Variants in ESR1 observed in about 807,000 individuals in gnomAD.
ESR1 encodes the protein estrogen receptor 1, also known as estrogen receptor.
ESR1 carries 12 observed loss-of-function variants against 52.7 expected under a neutral mutation model. That is an observed-to-expected ratio of 0.23 (90% CI 0.15 to 0.37). The LOEUF is 0.37. Ranked by LOEUF, ESR1 falls within the 10% of genes least tolerant of loss-of-function variation. The pLI, the probability that ESR1 is intolerant of heterozygous loss-of-function variation, is 1.00. For synonymous variants in ESR1, 305 were observed against 316.8 expected (o/e 0.96, Z 0.39); for missense variants, 584 against 779.7 (o/e 0.75, Z 2.99).
intron 3 of ESR1, among the ~76,000 whole-genome samples, chr6:151,901,752 C>T (rs1024491162): frequency 6.6e-6 from 1 of 152,226 alleles, no homozygotes. Flanking sequence ...ATCCCCCTTT[C>T]CTACTTTCAC....
rs35600661 is a variant in ESR1, at chr6:151,680,204, CTT to C, written n.74-21655_74-21654del. On this transcript the variant is annotated intron_variant and non_coding_transcript_variant, in intron 1 of 2. Coordinates refer to the ESR1 transcript ENST00000473497. ...AGCCACCTTGCTTTTTTTCTTTTCT[CTT>C]TTTTTTTTTTTTTTTGAGTTGGAGT... Among the ~76,000 whole-genome samples the C allele has an allele frequency of 6.1e-3, 773 of 126,772 alleles. 4 individuals are homozygous for C. Among genetic ancestry groups the C allele is most frequent in the African/African-American group, 0.022 (711 of 32,604 alleles). The allele number at this position is 126,772 out of a possible 152,430, so 83.2% of individuals were successfully genotyped here.
chr6:151,904,161 C>T (rs1457224595), intron 3 of ESR1, among the ~76,000 whole-genome samples: 4 of 152,162 alleles, frequency 2.6e-5, no homozygotes, highest in Non-Finnish European at 5.9e-5. Flanking sequence ...TTTGTTTGTG[C>T]ATAGTGCATA....
intron 5 of ESR1, among the ~76,000 whole-genome samples, chr6:152,046,588 C>G (rs974364124): frequency 6.6e-6 from 1 of 152,014 alleles, no homozygotes; most frequent in African/African-American, 2.4e-5. Flanking sequence ...ATATGGTGAA[C>G]TCAAGGCAAA....
Position 151,824,214 on chromosome 6 carries a change from G to A in ESR1, c.452+15850G>A, listed in dbSNP as rs1278953223. Among the ~76,000 whole-genome samples the A allele has an allele frequency of 2.6e-5, 4 of 152,024 alleles. No individual in the cohort carries two copies. The South Asian group carries it at 8.3e-4, about 32-fold the overall frequency. On this transcript the variant is annotated intron_variant, in intron 1 of 7. Coordinates refer to ENST00000206249, the MANE Select transcript of ESR1 (RefSeq NM_000125.4). ...TTGTGGTTTTGATTTGCATTTCTCT[G>A]ATGGCCAGTGATGATGAGCATTTTT...
chr6:151,818,080 C>T (rs1242391297), intron 1 of ESR1, among the ~76,000 whole-genome samples: 1 of 152,146 alleles, frequency 6.6e-6, no homozygotes, highest in Non-Finnish European at 1.5e-5. Flanking sequence ...AAATAGAATA[C>T]TGTTTTTAAT....
At chr6:151,690,217 T>C (rs1402718269), upstream of ESR1, among the ~76,000 whole-genome samples, 1 of 151,702 alleles carries the variant, frequency 6.6e-6, no homozygotes, top group Middle Eastern at 3.2e-3. Context: ...TGATGTTTTA[T>C]TTTTTTTTCC....
At chr6:151,982,408 A>C (rs1286428051) in intron 4 of ESR1, among the ~76,000 whole-genome samples, 5 of 152,266 alleles carry the variant, frequency 3.3e-5, no homozygotes, top group Non-Finnish European at 7.3e-5. Context: ...GTCTAATAGA[A>C]GTATAATTCA....
At chr6:151,845,900 C>T (rs1280146069) in intron 2 of ESR1, among the ~76,000 whole-genome samples, 1 of 152,022 alleles carries the variant, frequency 6.6e-6, no homozygotes, top group Non-Finnish European at 1.5e-5. Flanking sequence ...TATGCAAGAC[C>T]CTGGAAATGC....
chr6:151,676,290 G>A (rs982030657), intron 1 of ESR1, among the ~76,000 whole-genome samples: 1 of 152,094 alleles, frequency 6.6e-6, no homozygotes, highest in East Asian at 1.9e-4. Flanking sequence ...GGCTATGAAG[G>A]GACAGGGATG....
rs142770581 is a variant in ESR1 at position 151,723,609 on chromosome 6, C to T, written c.-71+21604C>T. ...TGTGGCCGGATACAGTGGCTCACAC[C>T]TGTAATCCCAGCACTTTGGGAGGCC... is the stretch of plus-strand genomic sequence containing the variant. On this transcript the variant is annotated intron_variant, in intron 2 of 2. Transcript: ENST00000404742. Among the ~76,000 whole-genome samples, 440 of 152,318 alleles carry T rather than the reference C, an allele frequency of 2.9e-3. 5 individuals are homozygous for T. The highest frequency in any genetic ancestry group is 0.019 in the East Asian group (97 of 5,174).
chr6:152,005,084 A>T (rs2042230933), intron 4 of ESR1, among the ~76,000 whole-genome samples: 1 of 152,018 alleles, frequency 6.6e-6, no homozygotes, highest in Non-Finnish European at 1.5e-5. Flanking sequence ...GTCTATCCCA[A>T]GGCAAATAGA....
chr6:151,706,735 G>A (rs571807942), intron 2 of ESR1, among the ~76,000 whole-genome samples: 1 of 152,314 alleles, frequency 6.6e-6, no homozygotes, highest in African/African-American at 2.4e-5. Flanking sequence ...ACACATGGAG[G>A]AAGTGTTTCC....
chr6:151,850,007 A>AT (rs1460221312), intron 2 of ESR1, among the ~76,000 whole-genome samples: 3 of 76,368 alleles, frequency 3.9e-5, no homozygotes, highest in South Asian at 3.9e-4. Context: ...TATATATATA[A>AT]TTTTGTATAT....
intron 1 of ESR1, among the ~76,000 whole-genome samples, chr6:151,834,366 A>C (rs113028669): frequency 0.047 from 7,192 of 152,300 alleles, 573 homozygotes; most frequent in African/African-American, 0.16. Context: ...TACTATGCAG[A>C]CATAAAAAAG....
chr6:151,961,991 A>G (rs2037728627), intron 4 of ESR1, among the ~76,000 whole-genome samples: 1 of 152,098 alleles, frequency 6.6e-6, no homozygotes. Flanking sequence ...GGAAGTGGAA[A>G]CTGTGTGTGA....
chr6:151,788,884 T>A (rs1056318378), intron 2 of ESR1, among the ~76,000 whole-genome samples: 1 of 152,112 alleles, frequency 6.6e-6, no homozygotes, highest in South Asian at 2.1e-4. Flanking sequence ...TTCTCACTTG[T>A]AAGTGGGAGC....
rs774675899 is a variant in ESR1, at chr6:151,892,589, CTT to C, written c.760+11835_760+11836del. Among the ~76,000 whole-genome samples the C allele has an allele frequency of 3.8e-4, 46 of 121,744 alleles. No individual in the cohort carries two copies. In the East Asian group the frequency reaches 8.4e-3, roughly 22 times the overall value. The allele number at this position is 121,744 out of a possible 152,430, so 79.9% of individuals were successfully genotyped here. ...GCAGGACTCTGAAAAGATAACTAAG[CTT>C]TTTTTTTTTTTTTTTTCTGTTAGAG... On this transcript the variant is annotated intron_variant, in intron 3 of 7. Transcript: ENST00000206249.
At chr6:151,746,980 T>C (rs964348766) in intron 2 of ESR1, among the ~76,000 whole-genome samples, 1 of 152,222 alleles carries the variant, frequency 6.6e-6, no homozygotes, top group Admixed American at 6.5e-5. Context: ...GGAAAAGCCA[T>C]ATAAGATTTT....
chr6:151,679,882 A>G (rs1778391033), intron 1 of ESR1, among the ~76,000 whole-genome samples: 1 of 152,174 alleles, frequency 6.6e-6, no homozygotes, highest in South Asian at 2.1e-4. Flanking sequence ...GTCTTCAGGT[A>G]GCTGCTCAAT....
Sources: gnomAD v4.1 joint callset for allele counts (sites outside exome capture counted in the v4.1 genomes callset) on GRCh38, gnomAD v4.1.1 for gene constraint, MANE v1.5 for transcripts, NCBI Gene and HGNC (gene_info 2026-07-23, HGNC 2026-07-21) for gene names.